SUCLA2: variants seen among roughly 807,000 people sequenced by gnomAD.
SUCLA2 encodes the protein succinate-CoA ligase ADP-forming subunit beta.
SUCLA2 carries 30 observed loss-of-function variants against 54.8 expected under a neutral mutation model. The ratio of observed to expected loss-of-function variants is 0.55; its 90% confidence interval spans 0.41 to 0.74. SUCLA2 has a LOEUF of 0.74. SUCLA2 is among the 30% of genes least tolerant of loss of function. SUCLA2 has a pLI of 0.00. For missense variants in SUCLA2, 476 were observed against 562.9 expected (o/e 0.85, Z 1.56); for synonymous variants, 172 against 188.9 (o/e 0.91, Z 0.74).
intron 6 of SUCLA2, among the ~76,000 whole-genome samples, chr13:47,955,800 C>T (rs1252181135): frequency 6.6e-6 from 1 of 152,074 alleles, no homozygotes; most frequent in Non-Finnish European, 1.5e-5. Flanking sequence ...CCTTTCAGTA[C>T]CCTACCCCTT....
At chr13:47,955,647 C>T (rs376838948) in intron 6 of SUCLA2, among the ~76,000 whole-genome samples, 2 of 151,632 alleles carry the variant, frequency 1.3e-5, no homozygotes, top group African/African-American at 2.4e-5. Context: ...GCCTAAAATA[C>T]TTATTAAATG....
chr13:47,981,858 G>A (rs148758832), intron 4 of SUCLA2, among the ~76,000 whole-genome samples: 1,893 of 152,166 alleles, frequency 0.012, 49 homozygotes, highest in African/African-American at 0.044. Flanking sequence ...GGTGGTGGGT[G>A]CCTGTAATTC....
chr13:47,979,877 A>G (rs1412652441), intron 4 of SUCLA2, among the ~76,000 whole-genome samples: 1 of 152,192 alleles, frequency 6.6e-6, no homozygotes, highest in Non-Finnish European at 1.5e-5. Flanking sequence ...AGAAATCCCT[A>G]AAGATTCTGC....
At chr13:47,952,493 C>T (rs1949784017) in intron 8 of SUCLA2, among the ~76,000 whole-genome samples, 1 of 152,026 alleles carries the variant, frequency 6.6e-6, no homozygotes, top group African/African-American at 2.4e-5. Flanking sequence ...ATACCTATTC[C>T]TCGACTTTGC....
chr13:47,964,160 T>A (rs1949896399), intron 6 of SUCLA2, among the ~76,000 whole-genome samples: 1 of 152,168 alleles, frequency 6.6e-6, no homozygotes, highest in Non-Finnish European at 1.5e-5. Context: ...TGCAACAACC[T>A]GGATAGACCT....
At chr13:47,954,718 TA>T (rs1416295815) in intron 6 of SUCLA2, among the ~76,000 whole-genome samples, 161 bp from the exon 7 acceptor site, 1 of 152,308 alleles carries the variant, frequency 6.6e-6, no homozygotes, top group South Asian at 2.1e-4. Flanking sequence ...AACTGTTCTT[TA>T]AAAAAGAATA....
At chr13:47,949,925 T>C (rs1949763105) in intron 8 of SUCLA2, among the ~76,000 whole-genome samples, 1 of 152,232 alleles carries the variant, frequency 6.6e-6, no homozygotes, top group Non-Finnish European at 1.5e-5. Context: ...TACCCCCAGA[T>C]CATACTGTAA....
intron 4 of SUCLA2, among the ~76,000 whole-genome samples, chr13:47,984,368 T>G (rs1271620725): frequency 3.8e-4 from 5 of 13,006 alleles, no homozygotes; most frequent in Admixed American, 1.8e-3. Flanking sequence ...TAATTTTTTG[T>G]TTTTTTTGTA....
intron 1 of SUCLA2, among the ~76,000 whole-genome samples, chr13:47,997,322 T>C (rs1950199156): frequency 6.6e-6 from 1 of 152,192 alleles, no homozygotes; most frequent in African/African-American, 2.4e-5. Flanking sequence ...TCAGCGGATC[T>C]AAAACCAATC....
chr13:47,978,118 T>A (rs898034622), intron 4 of SUCLA2, among the ~76,000 whole-genome samples: 1 of 152,096 alleles, frequency 6.6e-6, no homozygotes, highest in Admixed American at 6.6e-5. Flanking sequence ...TTCAATGGTA[T>A]CCCATCAAGC....
At chr13:47,965,568 T>C in intron 6 of SUCLA2, 1 of 358,610 alleles carries the variant, frequency 2.8e-6, no homozygotes, top group Non-Finnish European at 4.8e-6. Flanking sequence ...GGTCAAGAAA[T>C]AAATCAAACT....
chr13:47,984,597 G>A, intron 4 of SUCLA2, among the ~76,000 whole-genome samples: 1 of 151,962 alleles, frequency 6.6e-6, no homozygotes, highest in Middle Eastern at 3.4e-3. Flanking sequence ...GCTTAAATGA[G>A]AAAGCAGCCA....
intron 1 of SUCLA2, chr13:48,000,925 T>TA: frequency 7.3e-7 from 1 of 1,375,794 alleles, no homozygotes; most frequent in Non-Finnish European, 9.4e-7. Flanking sequence ...GCCCATCTCT[T>TA]AGAAACTGCA....
At chr13:47,975,192 G>A (rs925855604) in intron 4 of SUCLA2, among the ~76,000 whole-genome samples, 84 of 144,322 alleles carry the variant, frequency 5.8e-4, no homozygotes, top group African/African-American at 2.1e-3. Flanking sequence ...CTGGAGTGTC[G>A]TTCTGTCACC....
chr13:47,980,718 G>T (rs1950054663), intron 4 of SUCLA2, among the ~76,000 whole-genome samples: 1 of 151,888 alleles, frequency 6.6e-6, no homozygotes, highest in African/African-American at 2.4e-5. Flanking sequence ...TATCAAAACA[G>T]CATGATAATG....
rs1949760020 is a variant in SUCLA2 at position 47,949,493 on chromosome 13, T to C, written c.1218A>G (p.Val406=). ...KDLEIKIPVV[V]RLQGTRVDDA... is the part of the protein sequence containing the mutation. The stretch of plus-strand genomic sequence containing the variant: ...ACCTTTTATACTCACCTTGTAACCG[T>C]ACCACAACAGGTATTTTAATTTCCA... Residue 406 remains valine (V), a synonymous_variant, in exon 9 of 11, where the codon GTA becomes GTG. Coordinates refer to ENST00000646932, the MANE Select transcript of SUCLA2 (RefSeq NM_003850.3). 1 of 1,613,406 alleles carries C rather than the reference T, an allele frequency of 6.2e-7. No homozygotes were observed. Among genetic ancestry groups the C allele is most frequent in the South Asian group, 1.1e-5 (1 of 91,072 alleles).
chr13:47,948,462 C>T (rs1949751964), intron 10 of SUCLA2, among the ~76,000 whole-genome samples: 1 of 152,096 alleles, frequency 6.6e-6, no homozygotes, highest in Non-Finnish European at 1.5e-5. Flanking sequence ...TCAAGCAATC[C>T]TCCTGCCTCA....
chr13:47,960,478 G>A (rs1387329705), intron 6 of SUCLA2, among the ~76,000 whole-genome samples: 1 of 151,944 alleles, frequency 6.6e-6, no homozygotes, highest in Admixed American at 6.5e-5. Flanking sequence ...CTGTTATTTG[G>A]AAAAAGTAGG....
At chr13:47,968,874 C>A in intron 5 of SUCLA2, 141 bp from the exon 6 acceptor site, 1 of 995,136 alleles carries the variant, frequency 1.0e-6, no homozygotes, top group South Asian at 1.7e-5. Flanking sequence ...TAGCAGCTAC[C>A]ATTACTAAAT....
Sources: gnomAD v4.1 joint callset for allele counts (sites outside exome capture counted in the v4.1 genomes callset) on GRCh38, gnomAD v4.1.1 for gene constraint, MANE v1.5 for transcripts, NCBI Gene and HGNC (gene_info 2026-07-23, HGNC 2026-07-21) for gene names.